Variants in ENTREP2 observed in about 807,000 individuals in gnomAD.
The protein encoded by ENTREP2 is protein ENTREP2.
the ENTREP2 span, among the ~76,000 whole-genome samples, chr15:29,293,262 T>A: frequency 6.6e-6 from 1 of 152,134 alleles, no homozygotes; most frequent in South Asian, 2.1e-4. Flanking sequence ...TTGACTCTTT[T>A]TTTTTTTGAG....
At chr15:29,570,492 C>A in the ENTREP2 span, 4 of 1,320,478 alleles carry the variant, frequency 3.0e-6, no homozygotes, top group Non-Finnish European at 3.9e-6. Flanking sequence ...CCCGCCTGGT[C>A]GCGGACACTC....
the ENTREP2 span, among the ~76,000 whole-genome samples, chr15:29,287,106 C>T: frequency 6.6e-6 from 1 of 152,290 alleles, no homozygotes; most frequent in Admixed American, 6.5e-5. Flanking sequence ...TGTAGACTGG[C>T]ACCTCCTCAT....
At chr15:29,583,232 A>C in the ENTREP2 span, among the ~76,000 whole-genome samples, 1 of 152,348 alleles carries the variant, frequency 6.6e-6, no homozygotes, top group African/African-American at 2.4e-5. Flanking sequence ...AGTAAAACTA[A>C]ATTTCAAGTA....
the ENTREP2 span, chr15:29,614,395 C>T: frequency 6.5e-6 from 1 of 152,728 alleles, no homozygotes; most frequent in Non-Finnish European, 1.5e-5. Context: ...TTGGCTGCCC[C>T]TTTCTTCTCC....
At chr15:29,622,172 T>C in the ENTREP2 span, among the ~76,000 whole-genome samples, 10 of 152,116 alleles carry the variant, frequency 6.6e-5, no homozygotes, top group African/African-American at 2.2e-4. Context: ...CACTACTAAC[T>C]GTACACTTAA....
the ENTREP2 span, among the ~76,000 whole-genome samples, chr15:29,654,971 T>C: frequency 6.6e-6 from 1 of 152,202 alleles, no homozygotes; most frequent in Non-Finnish European, 1.5e-5. Context: ...TTTGTATCTA[T>C]TAGTTATGCT....
chr15:29,256,737 A>G, the ENTREP2 span, among the ~76,000 whole-genome samples: 9 of 152,188 alleles, frequency 5.9e-5, no homozygotes, highest in Admixed American at 4.6e-4. Context: ...CTAATTACAT[A>G]AAATGATTCC....
chr15:29,612,705 C>T, the ENTREP2 span: 1 of 155,340 alleles, frequency 6.4e-6, no homozygotes, highest in Admixed American at 6.5e-5. Flanking sequence ...AGCTGGACCA[C>T]ATCTTGGTGT....
At chr15:29,254,252 G>A in the ENTREP2 span, among the ~76,000 whole-genome samples, 1 of 143,572 alleles carries the variant, frequency 7.0e-6, no homozygotes, top group Non-Finnish European at 1.5e-5. Flanking sequence ...ATGTCTTTAT[G>A]CTATTTCAAA....
the ENTREP2 span, among the ~76,000 whole-genome samples, chr15:29,585,135 C>T: frequency 6.6e-6 from 1 of 152,098 alleles, no homozygotes. Context: ...CATCAGAGAG[C>T]TAATATGTAC....
chr15:29,417,086 G>A, the ENTREP2 span, among the ~76,000 whole-genome samples: 2 of 152,220 alleles, frequency 1.3e-5, no homozygotes, highest in Non-Finnish European at 2.9e-5. Flanking sequence ...AGTCAGTGTG[G>A]CTATTCCTCA....
chr15:29,218,504 C>T, the ENTREP2 span, among the ~76,000 whole-genome samples: 1 of 152,088 alleles, frequency 6.6e-6, no homozygotes, highest in African/African-American at 2.4e-5. Context: ...GCCCAGGTAG[C>T]CAAAGCAAGA....
chr15:29,527,930 T>C, the ENTREP2 span, among the ~76,000 whole-genome samples: 2 of 152,130 alleles, frequency 1.3e-5, no homozygotes, highest in Admixed American at 1.3e-4. Flanking sequence ...CTAGGGCTGA[T>C]GAGACCTTGC....
At chr15:29,191,838 C>T in the ENTREP2 span, among the ~76,000 whole-genome samples, 31 of 152,210 alleles carry the variant, frequency 2.0e-4, no homozygotes, top group South Asian at 1.5e-3. Context: ...CTCTTGGGCC[C>T]GGGAGTTTGA....
the ENTREP2 span, among the ~76,000 whole-genome samples, chr15:29,370,260 G>A: frequency 6.6e-6 from 1 of 152,176 alleles, no homozygotes; most frequent in African/African-American, 2.4e-5. Context: ...ACTAGAGTTT[G>A]TCAGTAAAAA....
At chr15:29,437,746 T>C in the ENTREP2 span, among the ~76,000 whole-genome samples, 1 of 152,288 alleles carries the variant, frequency 6.6e-6, no homozygotes, top group Non-Finnish European at 1.5e-5. Context: ...AGGACATGAA[T>C]TCCCAGAACA....
the ENTREP2 span, chr15:29,137,048 G>GGAC: frequency 6.9e-7 from 1 of 1,440,640 alleles, no homozygotes; most frequent in East Asian, 3.0e-5. Context: ...GGGCCTCAGT[G>GGAC]GACGGTGTGC....
the ENTREP2 span, among the ~76,000 whole-genome samples, chr15:29,668,834 T>C: frequency 8.5e-5 from 13 of 152,152 alleles, no homozygotes; most frequent in Non-Finnish European, 1.9e-4. Flanking sequence ...TGCACCCATA[T>C]CTCAGAAAGG....
At chr15:29,322,658 A>G in the ENTREP2 span, among the ~76,000 whole-genome samples, 1 of 152,190 alleles carries the variant, frequency 6.6e-6, no homozygotes, top group African/African-American at 2.4e-5. Flanking sequence ...TGTTTACTTT[A>G]TCTTGTGTAA....
Sources: allele counts gnomAD v4.1 joint callset (sites outside exome capture counted in the v4.1 genomes callset), GRCh38; gene constraint gnomAD v4.1.1; transcripts MANE v1.5; gene names NCBI Gene and HGNC (gene_info 2026-07-23, HGNC 2026-07-21).